Variants in DHX37 observed in about 807,000 individuals in gnomAD.
DHX37 encodes the protein DEAH-box helicase 37, also known as probable ATP-dependent RNA helicase DHX37.
In DHX37, 52 loss-of-function variants were observed where a neutral mutation model predicts 134.3. That is an observed-to-expected ratio of 0.39 (90% CI 0.31 to 0.49). The LOEUF (loss-of-function observed/expected upper bound fraction) is 0.49, where lower values mean the gene tolerates loss of function less well. Ranked by LOEUF, DHX37 falls within the 20% of genes least tolerant of loss-of-function variation. The pLI, the probability that DHX37 is intolerant of heterozygous loss-of-function variation, is 0.93. For missense variants in DHX37, 1,344 were observed against 1,580.8 expected (o/e 0.85, Z 2.54); for synonymous variants, 634 against 670.7 (o/e 0.95, Z 0.85).
intron 9 of DHX37, 60 bp downstream of exon 9, chr12:124,968,807 C>T (rs568796262): frequency 2.5e-6 from 4 of 1,605,888 alleles, no homozygotes; most frequent in Middle Eastern, 1.6e-4. Flanking sequence ...CAGGGGGCTC[C>T]CGACACCAGG....
At chr12:124,948,292 G>A in intron 25 of DHX37, 111 bp from the exon 26 acceptor site, 1 of 1,469,836 alleles carries the variant, frequency 6.8e-7, no homozygotes, top group Non-Finnish European at 9.0e-7. Context: ...CACCCAGGAG[G>A]GTGAAGAGCT....
Position 124,980,876 on chromosome 12 carries a change from A to G in DHX37, c.390-38T>C, listed in dbSNP as rs1236761094. The stretch of plus-strand genomic sequence containing the variant: ...CAGAGACTTCAGGCACAGAGGCCCC[A>G]CCTCAATCCCAGAGGTCAGGACTCC... On this transcript the variant is annotated intron_variant, in intron 3 of 26. Coordinates refer to ENST00000308736, the MANE Select transcript of DHX37 (RefSeq NM_032656.4). The surrounding 1 kb of genome is among the most constrained non-coding windows in gnomAD (Gnocchi z 5.3). The G allele has an allele frequency of 6.5e-7, 1 of 1,534,744 alleles. No homozygotes were observed. Among genetic ancestry groups the G allele is most frequent in the Non-Finnish European group, 8.7e-7 (1 of 1,146,040 alleles).
At chr12:124,955,745 C>T (rs1954079978) in intron 18 of DHX37, among the ~76,000 whole-genome samples, 1 of 152,262 alleles carries the variant, frequency 6.6e-6, no homozygotes, top group African/African-American at 2.4e-5. Flanking sequence ...ATACAGTGGC[C>T]ACTAGCCACA....
intron 15 of DHX37, among the ~76,000 whole-genome samples, chr12:124,961,227 C>CACTTACATACACGCGT (rs1472403983): frequency 3.5e-5 from 4 of 113,460 alleles, no homozygotes; most frequent in African/African-American, 1.4e-4. Flanking sequence ...CGCACACGCA[C>CACTTACATACACGCGT]GCACACACAC....
chr12:124,980,812 C>T lies in DHX37; in HGVS notation c.416G>A (p.Gly139Asp), dbSNP rs1354022799. 1 of 1,556,048 alleles carries T rather than the reference C, an allele frequency of 6.4e-7. No individual in the cohort carries two copies. The highest frequency in any genetic ancestry group is 1.9e-5 in the Admixed American group (1 of 53,326). Reference protein sequence around the residue: ...KEKADEVVAPGQEKISSLSGA... With the variant: ...KEKADEVVAPDQEKISSLSGA... ...GCTGAGGCTACTGATCTTCTCCTGG[C>T]CCGGGGCTACCACCTCGTCAGCCTT... is the stretch of plus-strand genomic sequence containing the variant. Residue 139 changes from glycine (G) to aspartate (D), a missense_variant, in exon 4 of 27, where the codon GGC (glycine) becomes GAC (aspartate). Physicochemically the swap from Gly to Asp is moderately conservative, Grantham distance 94. Around this residue, in one of 7 missense-constraint regions of DHX37, gnomAD observed 319 missense variants for 296.1 expected, o/e 1.08. Coordinates refer to ENST00000308736, the MANE Select transcript of DHX37 (RefSeq NM_032656.4). The surrounding 1 kb of genome is among the most constrained non-coding windows in gnomAD (Gnocchi z 5.3).
rs779145958 is a variant in DHX37, at chr12:124,977,469, T to C, written c.760A>G (p.Ile254Val). The change falls in exon 5 of 27, where the codon ATT becomes GTT. Residue 254 changes from isoleucine (I) to valine (V), a missense_variant. Ile to Val is a conservative substitution (Grantham distance 29). This residue lies in a region of DHX37 where 77 missense variants were observed against 121.6 expected (regional missense o/e 0.63). Coordinates refer to ENST00000308736, the MANE Select transcript of DHX37 (RefSeq NM_032656.4). The stretch of plus-strand genomic sequence containing the variant: ...ATGATTACTTGTTCTTCGGAGAGAA[T>C]TGGGAGCTTCAGCCGTTCCTCCTGG... ...EMQEERLKLP[I>V]LSEEQVIMEA... is the part of the protein sequence containing the mutation. The C allele has an allele frequency of 1.3e-5, 21 of 1,606,234 alleles. No individual in the cohort carries two copies. Among genetic ancestry groups the C allele is most frequent in the East Asian group, 4.5e-5 (2 of 44,522 alleles).
In DHX37 at chr12:124,988,901, T is replaced by C. The variant is rs776469233; in HGVS notation, c.106+16A>G. On this transcript the variant is annotated intron_variant, in intron 1 of 26. Coordinates refer to ENST00000308736, the MANE Select transcript of DHX37 (RefSeq NM_032656.4). ...GGAAATCTCCGAAATCCAGCCCCGG[T>C]CCGGGGATGTCTTACCCTCCAGTTC... The C allele has an allele frequency of 7.7e-7, 1 of 1,305,644 alleles. No individual in the cohort carries two copies. Among genetic ancestry groups the C allele is most frequent in the East Asian group, 2.8e-5 (1 of 35,382 alleles). 80.9% of individuals were successfully genotyped at this position (1,305,644 alleles called of 1,614,324 possible).
chr12:124,973,050 G>A (rs61942955), intron 6 of DHX37, among the ~76,000 whole-genome samples: 33,867 of 152,108 alleles, frequency 0.22, 4,365 homozygotes, highest in Non-Finnish European at 0.3. Context: ...GCTGAGGTGG[G>A]AGAATTACTT....
intron 21 of DHX37, among the ~76,000 whole-genome samples, chr12:124,951,805 C>T (rs879867913): frequency 6.6e-5 from 10 of 152,092 alleles, no homozygotes; most frequent in African/African-American, 2.2e-4. Flanking sequence ...AACCCCTTCT[C>T]TACTAAAAAT....
chr12:124,950,302 T>C (rs1232896823), intron 23 of DHX37, 59 bp from the exon 24 acceptor site: 3 of 1,608,048 alleles, frequency 1.9e-6, no homozygotes, highest in Non-Finnish European at 2.5e-6. Flanking sequence ...CCGAGTCCCA[T>C]CCCTGCCCCA....
At chr12:124,978,452 G>C (rs994068851) in intron 4 of DHX37, among the ~76,000 whole-genome samples, 11 of 151,318 alleles carry the variant, frequency 7.3e-5, no homozygotes, top group Non-Finnish European at 1.6e-4. Context: ...TGAGTAGCTG[G>C]GATTACAGGC....
rs1032027778 is a variant in DHX37, at chr12:124,949,335, T to C, written c.3290+651A>G. Among the ~76,000 whole-genome samples the C allele has an allele frequency of 3.9e-5, 6 of 152,084 alleles. No homozygotes were observed. Among genetic ancestry groups the C allele is most frequent in the African/African-American group, 1.4e-4 (6 of 41,420 alleles). On this transcript the variant is annotated intron_variant, in intron 25 of 26. Transcript: ENST00000308736. The surrounding 1 kb of genome is among the most constrained non-coding windows in gnomAD (Gnocchi z 4.0). Reference sequence around the variant, plus strand: ...TCCAGTGCCCCAAGCCCCTGCACCATAGGCCCCACCAGCCCCAGGAAGGGG... The same window carrying C: ...TCCAGTGCCCCAAGCCCCTGCACCACAGGCCCCACCAGCCCCAGGAAGGGG...
At position 124,953,857 on chromosome 12, in the gene DHX37, G is replaced by A. The variant is rs181406602; in HGVS notation, c.2695+23C>T. 1.4e-4 allele frequency: 231 copies of A among 1,606,008 alleles called. No individual in the cohort carries two copies. In the African/African-American group the frequency reaches 2.1e-3, roughly 14 times the overall value. ...GGTCAGGTTGCCCGCCGGGTGCAGC[G>A]GCGTGCCGGCACGGGGCCGTACCTG... On this transcript the variant is annotated intron_variant, in intron 20 of 26. Transcript: ENST00000308736.
At chr12:124,956,654 G>C in intron 18 of DHX37, 37 bp downstream of exon 18, 1 of 1,511,566 alleles carries the variant, frequency 6.6e-7, no homozygotes, top group Non-Finnish European at 8.9e-7. Context: ...CGTCGGAACT[G>C]AGCTTGGCCC....
chr12:124,969,831 G>A (rs558827417), intron 8 of DHX37, among the ~76,000 whole-genome samples: 1 of 151,938 alleles, frequency 6.6e-6, no homozygotes, highest in African/African-American at 2.4e-5. Context: ...TGAGGCAAAA[G>A]GATTCCTTAA....
rs1004876657 is a variant in DHX37, at chr12:124,952,606, A to G, written c.2696-36T>C. The stretch of plus-strand genomic sequence containing the variant: ...AACCAAGAGTGAGGTCGGTGGTGGC[A>G]AGGCCCGGAGCCAGCTCTGCCCTGA... On this transcript the variant is annotated intron_variant, in intron 20 of 26. Transcript: ENST00000308736. 4.6e-6 allele frequency: 7 copies of G among 1,535,644 alleles called. No individual in the cohort carries two copies. In the East Asian group the frequency reaches 1.7e-4, roughly 36 times the overall value.
At chr12:124,985,374 TCTTGCAAATGTTTGAATTTCC>T (rs1308952888) in intron 2 of DHX37, among the ~76,000 whole-genome samples, 37 of 152,282 alleles carry the variant, frequency 2.4e-4, no homozygotes, top group Non-Finnish European at 3.7e-4. Flanking sequence ...TTCTCTTTAC[TCTTGCAAATGTTTGAATTTCC>T]CTTGCAAATG....
chr12:124,980,310 T>C lies in DHX37; in HGVS notation c.738+180A>G, dbSNP rs750304902. 6.6e-6 allele frequency among the ~76,000 whole-genome samples: 1 copy of C among 152,306 alleles called. No homozygotes were observed. The highest frequency in any genetic ancestry group is 1.5e-5 in the Non-Finnish European group (1 of 68,016). ...GCCAGACACCCGCCCTGCACTGTGA[T>C]CCTCCTCGCGCACCAATCCCTGCCA... On this transcript the variant is annotated intron_variant, in intron 4 of 26. Transcript: ENST00000308736. The surrounding 1 kb of genome is among the most constrained non-coding windows in gnomAD (Gnocchi z 5.3).
At chr12:124,953,707 C>G in intron 20 of DHX37, 173 bp downstream of exon 20, 2 of 1,174,218 alleles carry the variant, frequency 1.7e-6, no homozygotes, top group South Asian at 3.2e-5. Context: ...TGCTCATGTG[C>G]ACATTCCCTT....
Sources: allele counts gnomAD v4.1 joint callset (sites outside exome capture counted in the v4.1 genomes callset), GRCh38; gene constraint gnomAD v4.1.1; regional missense constraint gnomAD v4.1.1; non-coding constraint Gnocchi (gnomAD v3.1); transcripts MANE v1.5; gene names NCBI Gene and HGNC (gene_info 2026-07-23, HGNC 2026-07-21).